Variants in GALNT17 observed in about 807,000 individuals in gnomAD.
GALNT17 encodes the protein UDP-GalNAc:polypeptide N-acetylgalactosaminyltransferase-like 3.
Under a neutral mutation model 63.7 loss-of-function variants are expected in GALNT17, and 29 were observed. The ratio of observed to expected loss-of-function variants is 0.46; its 90% confidence interval spans 0.34 to 0.62. GALNT17 has a LOEUF of 0.62. Ranked by LOEUF, GALNT17 falls within the 20% of genes least tolerant of loss-of-function variation. The pLI is 0.01. For missense variants in GALNT17, 603 were observed against 799.6 expected, an observed-to-expected ratio of 0.75 and a Z score of 2.97; for synonymous variants, 305 against 318.3, an observed-to-expected ratio of 0.96 and a Z score of 0.45.
intron 5 of GALNT17, among the ~76,000 whole-genome samples, chr7:71,542,644 C>T (rs1457604194): frequency 3.6e-5 from 5 of 140,666 alleles, no homozygotes; most frequent in South Asian, 2.2e-4. Flanking sequence ...TGCAGTGAGC[C>T]GAGATGGCAT....
At chr7:71,211,593 G>C (rs1263944629) in intron 1 of GALNT17, among the ~76,000 whole-genome samples, 1 of 152,194 alleles carries the variant, frequency 6.6e-6, no homozygotes, top group Non-Finnish European at 1.5e-5. Context: ...AGTTTGGAGG[G>C]CTCAGAAGAA....
At chr7:71,445,669 G>T (rs1041363958) in intron 5 of GALNT17, among the ~76,000 whole-genome samples, 1 of 152,152 alleles carries the variant, frequency 6.6e-6, no homozygotes, top group Non-Finnish European at 1.5e-5. Context: ...TGCTGAAATC[G>T]ATTAAATTCT....
chr7:71,618,014 G>A (rs1790242823), intron 6 of GALNT17, among the ~76,000 whole-genome samples: 1 of 152,024 alleles, frequency 6.6e-6, no homozygotes, highest in East Asian at 1.9e-4. Context: ...TTGTTCCTGT[G>A]TTTATCTCCA....
intron 1 of GALNT17, among the ~76,000 whole-genome samples, chr7:71,200,250 C>G (rs1789141535): frequency 6.6e-6 from 1 of 152,134 alleles, no homozygotes; most frequent in Non-Finnish European, 1.5e-5. Context: ...ATCAGTAAGT[C>G]TGGCCCGTGG....
At chr7:71,288,806 G>C (rs775509351) in intron 1 of GALNT17, among the ~76,000 whole-genome samples, 4 of 152,216 alleles carry the variant, frequency 2.6e-5, no homozygotes, top group Non-Finnish European at 5.9e-5. Flanking sequence ...GGAGAGGAGA[G>C]TTGGTTGATG....
chr7:71,323,181 G>T (rs1429652643), intron 1 of GALNT17, among the ~76,000 whole-genome samples: 2 of 152,032 alleles, frequency 1.3e-5, no homozygotes, highest in Non-Finnish European at 2.9e-5. Context: ...TGATGTAGAA[G>T]AAAAAAATAA....
intron 1 of GALNT17, among the ~76,000 whole-genome samples, chr7:71,209,218 G>A (rs1162414960): frequency 2.6e-5 from 4 of 152,236 alleles, no homozygotes; most frequent in South Asian, 4.2e-4. Flanking sequence ...TCACTTGAGG[G>A]CCTTTCAAAA....
intron 1 of GALNT17, among the ~76,000 whole-genome samples, chr7:71,260,709 G>A (rs12670890): frequency 4.0e-5 from 6 of 151,356 alleles, no homozygotes; most frequent in East Asian, 1.9e-4. Context: ...ACCCTCCTGC[G>A]TCAGCCTCCC....
intron 1 of GALNT17, among the ~76,000 whole-genome samples, chr7:71,257,577 C>G (rs1790311217): frequency 6.6e-6 from 1 of 152,160 alleles, no homozygotes; most frequent in Non-Finnish European, 1.5e-5. Flanking sequence ...CCGCACTATC[C>G]TTCTCCACTA....
At chr7:71,405,419 G>A (rs1793311186) in intron 3 of GALNT17, among the ~76,000 whole-genome samples, 1 of 152,080 alleles carries the variant, frequency 6.6e-6, no homozygotes, top group Non-Finnish European at 1.5e-5. Context: ...TTGAGGCCGG[G>A]AGTTTGAGAC....
At chr7:71,455,368 A>G (rs974484171) in intron 5 of GALNT17, among the ~76,000 whole-genome samples, 1 of 152,086 alleles carries the variant, frequency 6.6e-6, no homozygotes, top group South Asian at 2.1e-4. Flanking sequence ...CCATCCTGTC[A>G]TGGCTGGAAA....
chr7:71,495,872 A>G (rs1251640759), intron 5 of GALNT17, among the ~76,000 whole-genome samples: 2 of 152,208 alleles, frequency 1.3e-5, no homozygotes, highest in African/African-American at 4.8e-5. Context: ...ACTGATAAAA[A>G]TGGGAAGTCC....
At chr7:71,551,335 CCA>C (rs753408445) in intron 5 of GALNT17, among the ~76,000 whole-genome samples, 18 of 152,180 alleles carry the variant, frequency 1.2e-4, no homozygotes, top group Non-Finnish European at 2.1e-4. Context: ...TTTGTGATTT[CCA>C]GTTTCCTGCC....
At position 71,313,721 on chromosome 7, in the gene GALNT17, C is replaced by T. The variant is rs190804024; in HGVS notation, c.239-21829C>T. Among the ~76,000 whole-genome samples the T allele has an allele frequency of 2.6e-5, 4 of 152,234 alleles. No individual in the cohort carries two copies. The East Asian group carries it at 7.7e-4, about 29-fold the overall frequency. On this transcript the variant is annotated intron_variant, in intron 1 of 10. Coordinates refer to ENST00000333538, the MANE Select transcript of GALNT17 (RefSeq NM_022479.3). ...GGGACAGAATGTGTATTGATTGACT[C>T]AGAGGTTCTCTGAGTTTCTCTCTAT...
chr7:71,368,647 G>A (rs1377085866), intron 2 of GALNT17, among the ~76,000 whole-genome samples: 3 of 151,994 alleles, frequency 2.0e-5, no homozygotes, highest in African/African-American at 4.8e-5. Flanking sequence ...TTTTCTTAAG[G>A]AGCTGTGAGC....
At chr7:71,659,495 G>T (rs1318007495) in intron 6 of GALNT17, among the ~76,000 whole-genome samples, 1 of 152,172 alleles carries the variant, frequency 6.6e-6, no homozygotes, top group Non-Finnish European at 1.5e-5. Context: ...ATCTGGAATA[G>T]CTGGGCCTCT....
At chr7:71,444,827 A>AAAACAAAC (rs879445313) in intron 5 of GALNT17, among the ~76,000 whole-genome samples, 1 of 152,156 alleles carries the variant, frequency 6.6e-6, no homozygotes, top group Non-Finnish European at 1.5e-5. Context: ...TGTCTCAAGG[A>AAAACAAAC]AAACAAACAA....
At chr7:71,135,449 C>G (rs1787767680) in intron 1 of GALNT17, among the ~76,000 whole-genome samples, 1 of 152,264 alleles carries the variant, frequency 6.6e-6, no homozygotes, top group Non-Finnish European at 1.5e-5. Flanking sequence ...GAGATGGGTG[C>G]TCTGACACCC....
At chr7:71,540,727 C>T (rs915030842) in intron 5 of GALNT17, among the ~76,000 whole-genome samples, 52 of 151,954 alleles carry the variant, frequency 3.4e-4, no homozygotes, top group Non-Finnish European at 1.2e-4. Flanking sequence ...CTATTTAATC[C>T]TAGAGCATGA....
Sources: gnomAD v4.1 joint callset for allele counts (sites outside exome capture counted in the v4.1 genomes callset) on GRCh38, gnomAD v4.1.1 for gene constraint, MANE v1.5 for transcripts, NCBI Gene and HGNC (gene_info 2026-07-23, HGNC 2026-07-21) for gene names.